ESR1: variants seen among roughly 807,000 people sequenced by gnomAD.
ESR1 encodes the protein estrogen receptor.
A neutral mutation model predicts 52.7 loss-of-function variants in ESR1; 12 were observed. The ratio of observed to expected loss-of-function variants is 0.23; its 90% CI spans 0.15 to 0.37. The LOEUF (loss-of-function observed/expected upper bound fraction) is 0.37. Among genes scored for constraint, ESR1 ranks in the 10% least tolerant of loss-of-function variants. ESR1 has a pLI of 1.00. For missense variants in ESR1, 584 were observed against 779.7 expected (o/e 0.75, Z 2.99); for synonymous variants, 305 against 316.8 (o/e 0.96, Z 0.39).
intron 6 of ESR1, among the ~76,000 whole-genome samples, chr6:152,110,537 G>A (rs532148695): frequency 2.0e-5 from 3 of 152,190 alleles, no homozygotes; most frequent in African/African-American, 7.2e-5. Context: ...GGGGTGGAGG[G>A]TGGAAGGAGG....
intron 1 of ESR1, among the ~76,000 whole-genome samples, chr6:151,668,515 C>T (rs1206512662): frequency 1.3e-5 from 2 of 152,156 alleles, no homozygotes; most frequent in Non-Finnish European, 2.9e-5. Flanking sequence ...GATCTCCTGA[C>T]CTCGTGATCT....
chr6:151,960,217 C>A (rs2037494467), intron 4 of ESR1, among the ~76,000 whole-genome samples: 1 of 152,206 alleles, frequency 6.6e-6, no homozygotes, highest in Non-Finnish European at 1.5e-5. Context: ...ATGAGCCCAG[C>A]AGTGTTCTGG....
rs1402299523 is a variant in ESR1, at chr6:152,100,904, G to C, written c.*1938G>C. 8.7e-6 allele frequency: 2 copies of C among 230,340 alleles called. No homozygotes were observed. The highest frequency in any genetic ancestry group is 2.2e-5 in the African/African-American group (1 of 45,138). The allele number at this position is 230,340 out of a possible 1,614,324, so 14.3% of individuals were successfully genotyped here. A position where few individuals can be genotyped will look rare whatever the true frequency, so the allele number is the denominator to read the frequency against. Reference sequence around the variant, plus strand: ...AGAAGCACCTTAGTTTGTTTAAGAAGCACCTTATATAGTATAATATATATT... The same window carrying C: ...AGAAGCACCTTAGTTTGTTTAAGAACCACCTTATATAGTATAATATATATT... On this transcript the variant is annotated 3_prime_UTR_variant, in exon 8 of 8. Transcript: ENST00000206249.
exon 7 of ESR1, chr6:152,125,471 C>T (rs2053075503): frequency 7.8e-7 from 1 of 1,281,894 alleles, no homozygotes; most frequent in Admixed American, 2.8e-5. Flanking sequence ...CTCTGGCCTT[C>T]AGTTTTCTCA....
At chr6:152,018,512 T>A (rs890674595) in intron 5 of ESR1, among the ~76,000 whole-genome samples, 7 of 151,866 alleles carry the variant, frequency 4.6e-5, no homozygotes, top group Non-Finnish European at 8.8e-5. Context: ...CCCTTTATAT[T>A]CCCTCTTCAA....
chr6:152,008,877 A>G (rs1383138650), intron 4 of ESR1, among the ~76,000 whole-genome samples: 1 of 152,080 alleles, frequency 6.6e-6, no homozygotes, highest in East Asian at 1.9e-4. Flanking sequence ...TTGGGGTGAA[A>G]TCTTAAAGAA....
At chr6:152,073,229 C>A (rs2048483927) in intron 6 of ESR1, among the ~76,000 whole-genome samples, 1 of 152,198 alleles carries the variant, frequency 6.6e-6, no homozygotes, top group African/African-American at 2.4e-5. Flanking sequence ...ATACAGCAAA[C>A]TCCTTTTTCT....
chr6:151,732,697 CT>C (rs1782346914), intron 2 of ESR1, among the ~76,000 whole-genome samples: 1 of 152,064 alleles, frequency 6.6e-6, no homozygotes, highest in Admixed American at 6.6e-5. Context: ...GATAAAAACG[CT>C]TTTTGGGTTG....
intron 6 of ESR1, among the ~76,000 whole-genome samples, chr6:152,078,518 A>G (rs2048929259): frequency 2.0e-5 from 3 of 152,168 alleles, no homozygotes; most frequent in Admixed American, 2.0e-4. Context: ...AGATGGCTGA[A>G]TAGGAACAGC....
intron 4 of ESR1, among the ~76,000 whole-genome samples, chr6:151,978,993 A>T (rs1372939107): frequency 6.6e-6 from 1 of 152,206 alleles, no homozygotes; most frequent in Non-Finnish European, 1.5e-5. Flanking sequence ...TTAAATGATT[A>T]GGTAGAACTA....
At chr6:151,673,357 C>T (rs925877158) in intron 1 of ESR1, among the ~76,000 whole-genome samples, 2 of 152,156 alleles carry the variant, frequency 1.3e-5, no homozygotes, top group African/African-American at 4.8e-5. Flanking sequence ...GGACGCTTCA[C>T]TTTATTAATT....
intron 2 of ESR1, among the ~76,000 whole-genome samples, chr6:151,847,583 G>T (rs563883811): frequency 7.2e-6 from 1 of 138,366 alleles, no homozygotes. Context: ...TTTTTGATGG[G>T]GTTGTTTGTT....
chr6:151,745,631 A>G (rs1783426438), intron 2 of ESR1, among the ~76,000 whole-genome samples: 1 of 152,168 alleles, frequency 6.6e-6, no homozygotes, highest in Non-Finnish European at 1.5e-5. Flanking sequence ...TGTATGTCAC[A>G]GGTTCATATT....
At chr6:151,770,469 C>T (rs1456421876) in intron 2 of ESR1, among the ~76,000 whole-genome samples, 3 of 152,004 alleles carry the variant, frequency 2.0e-5, no homozygotes, top group Non-Finnish European at 4.4e-5. Context: ...TTTCATAACA[C>T]ATCAGTTATT....
At chr6:151,847,651 G>A (rs973771424) in intron 2 of ESR1, among the ~76,000 whole-genome samples, 2 of 133,302 alleles carry the variant, frequency 1.5e-5, no homozygotes, top group African/African-American at 5.8e-5. Context: ...CCCTTTGTCA[G>A]ATGAGTAGGT....
At chr6:151,972,039 A>G (rs935536333) in intron 4 of ESR1, among the ~76,000 whole-genome samples, 2 of 152,130 alleles carry the variant, frequency 1.3e-5, no homozygotes, top group African/African-American at 4.8e-5. Flanking sequence ...ACACACATAA[A>G]CTAGAAAACT....
At chr6:151,756,893 G>A (rs953611718) in intron 2 of ESR1, among the ~76,000 whole-genome samples, 1 of 152,154 alleles carries the variant, frequency 6.6e-6, no homozygotes. Context: ...GGGAGGCTGA[G>A]GCACAAGAAT....
At chr6:151,807,021 C>G (rs1052665328), upstream of ESR1, among the ~76,000 whole-genome samples, 1 of 152,142 alleles carries the variant, frequency 6.6e-6, no homozygotes, top group South Asian at 2.1e-4. Context: ...AAGGGTCTAT[C>G]TACTTTGGGA....
chr6:152,034,474 C>A (rs1004673378), intron 5 of ESR1, among the ~76,000 whole-genome samples: 1 of 151,964 alleles, frequency 6.6e-6, no homozygotes, highest in East Asian at 1.9e-4. Flanking sequence ...TGTCACTGTG[C>A]TGTCCATAGA....
Sources: allele counts gnomAD v4.1 joint callset (sites outside exome capture counted in the v4.1 genomes callset), GRCh38; gene constraint gnomAD v4.1.1; transcripts MANE v1.5; gene names NCBI Gene and HGNC (gene_info 2026-07-23, HGNC 2026-07-21).